Variants in TTC17 observed in about 807,000 individuals in gnomAD.
The protein encoded by TTC17 is tetratricopeptide repeat domain 17.
A neutral mutation model predicts 143.8 loss-of-function variants in TTC17; 58 were observed. The observed-to-expected ratio is 0.40, with a 90% CI of 0.33 to 0.50. TTC17 has a LOEUF of 0.50. TTC17 is among the 20% of genes least tolerant of loss of function. The probability of loss-of-function intolerance (pLI) is 0.49; values close to 1 mark genes in which losing one functional copy is unlikely to be tolerated. For missense variants in TTC17, 1,273 were observed against 1,392.5 expected (o/e 0.91, Z 1.37); for synonymous variants, 501 against 497.8 (o/e 1.01, Z -0.09).
chr11:43,484,477 T>C (rs1031163441), intron 21 of TTC17, among the ~76,000 whole-genome samples: 4 of 152,216 alleles, frequency 2.6e-5, no homozygotes, highest in Non-Finnish European at 5.9e-5. Flanking sequence ...TAAATAGATA[T>C]ATAATGTTCA....
rs945403091 is a variant in TTC17, at chr11:43,494,617, A to G, written c.*713A>G. The G allele has an allele frequency of 3.9e-5, 6 of 152,202 alleles. No homozygotes were observed. Among genetic ancestry groups the G allele is most frequent in the Non-Finnish European group, 7.3e-5 (5 of 68,044 alleles). 9.4% of individuals were successfully genotyped at this position (152,202 alleles called of 1,614,324 possible). On this transcript the variant is annotated 3_prime_UTR_variant, in exon 24 of 24. Coordinates refer to ENST00000039989, the MANE Select transcript of TTC17 (RefSeq NM_018259.6). ...ATTTGTACTTTAATTACAAATCACAAGGAAACCAATAAGTTGAAATCCTAT... is the reference window on the plus strand; with the variant it reads ...ATTTGTACTTTAATTACAAATCACAGGGAAACCAATAAGTTGAAATCCTAT...
chr11:43,381,886 TGAAG>T (rs1376042704), intron 2 of TTC17, among the ~76,000 whole-genome samples: 1 of 152,148 alleles, frequency 6.6e-6, no homozygotes, highest in Admixed American at 6.5e-5. Flanking sequence ...TAAAGAAGAC[TGAAG>T]GAGGTACAGG....
At chr11:43,380,657 A>G (rs1856932101) in intron 2 of TTC17, among the ~76,000 whole-genome samples, 1 of 152,240 alleles carries the variant, frequency 6.6e-6, no homozygotes, top group African/African-American at 2.4e-5. Flanking sequence ...CAACATACAT[A>G]TGTCTACAAA....
intron 1 of TTC17, chr11:43,370,162 AAAG>A (rs1856507908): frequency 2.2e-6 from 1 of 445,730 alleles, no homozygotes; most frequent in African/African-American, 2.0e-5. Context: ...TCTAAACCTC[AAAG>A]AAGATGTAAG....
intron 16 of TTC17, among the ~76,000 whole-genome samples, chr11:43,432,823 G>A (rs985609329): frequency 1.3e-5 from 2 of 152,052 alleles, no homozygotes; most frequent in Non-Finnish European, 2.9e-5. Context: ...AGACCTATAC[G>A]GTAGTCTAAA....
At chr11:43,435,829 A>G (rs1247019656) in intron 16 of TTC17, among the ~76,000 whole-genome samples, 1 of 152,230 alleles carries the variant, frequency 6.6e-6, no homozygotes, top group Non-Finnish European at 1.5e-5. Flanking sequence ...AATAGAAGGA[A>G]AGCTTTTTGA....
intron 20 of TTC17, among the ~76,000 whole-genome samples, chr11:43,450,460 C>G (rs1273497336): frequency 1.3e-5 from 2 of 152,118 alleles, no homozygotes; most frequent in African/African-American, 4.8e-5. Flanking sequence ...AATTTTAATT[C>G]TGATTTACCC....
chr11:43,383,984 A>G (rs1184148327), intron 2 of TTC17, among the ~76,000 whole-genome samples: 1 of 152,048 alleles, frequency 6.6e-6, no homozygotes, highest in Non-Finnish European at 1.5e-5. Context: ...TCTCTACAAA[A>G]TAATTTTGAA....
intron 10 of TTC17, among the ~76,000 whole-genome samples, chr11:43,403,097 C>T (rs1282072552): frequency 1.3e-5 from 2 of 152,136 alleles, no homozygotes; most frequent in Non-Finnish European, 2.9e-5. Context: ...ACCAGATTCA[C>T]ACCCTCTGGG....
At chr11:43,419,119 ATTTCT>A (rs1475780801) in intron 16 of TTC17, among the ~76,000 whole-genome samples, 1 of 152,196 alleles carries the variant, frequency 6.6e-6, no homozygotes, top group Non-Finnish European at 1.5e-5. Flanking sequence ...AGCTCTGGTC[ATTTCT>A]TAATTAATTG....
chr11:43,410,384 A>G (rs1004540782), intron 15 of TTC17, among the ~76,000 whole-genome samples: 2 of 152,100 alleles, frequency 1.3e-5, no homozygotes, highest in Admixed American at 6.6e-5. Context: ...TGTTCTCAAT[A>G]AACTGTTTGT....
chr11:43,450,799 A>G (rs978432945), intron 20 of TTC17, among the ~76,000 whole-genome samples: 3 of 152,206 alleles, frequency 2.0e-5, no homozygotes, highest in African/African-American at 7.2e-5. Context: ...GTAATTCAAT[A>G]TTTTGTGAGA....
At chr11:43,380,378 C>T (rs752107208) in intron 2 of TTC17, among the ~76,000 whole-genome samples, 3 of 152,220 alleles carry the variant, frequency 2.0e-5, no homozygotes, top group Non-Finnish European at 4.4e-5. Context: ...GCCTCAGCCT[C>T]CTGAGTAGCT....
At chr11:43,397,890 A>ATT in intron 7 of TTC17, 84 bp from the exon 8 acceptor site, 1 of 1,500,832 alleles carries the variant, frequency 6.7e-7, no homozygotes. Context: ...CGTGGCTAAC[A>ATT]TTTTTTTTTC....
intron 6 of TTC17, 94 bp from the exon 7 acceptor site, chr11:43,397,253 A>C: frequency 7.4e-7 from 1 of 1,356,556 alleles, no homozygotes. Flanking sequence ...TTCTCCACCT[A>C]TATCTTAGTT....
intron 21 of TTC17, among the ~76,000 whole-genome samples, 171 bp downstream of exon 21, chr11:43,451,436 A>G (rs1947655973): frequency 6.6e-6 from 1 of 152,132 alleles, no homozygotes; most frequent in Non-Finnish European, 1.5e-5. Context: ...TTTTTCTATC[A>G]CTTGGGTAAT....
intron 16 of TTC17, among the ~76,000 whole-genome samples, chr11:43,421,524 C>T (rs1739574164): frequency 6.6e-6 from 1 of 152,206 alleles, no homozygotes; most frequent in Non-Finnish European, 1.5e-5. Flanking sequence ...CAGTCCCCAT[C>T]ACTCGCATTA....
intron 16 of TTC17, among the ~76,000 whole-genome samples, chr11:43,424,891 G>A (rs1483894516): frequency 1.3e-5 from 2 of 152,156 alleles, no homozygotes; most frequent in African/African-American, 2.4e-5. Flanking sequence ...GAGGGGGTCT[G>A]TTTTATATAG....
chr11:43,405,608 C>T lies in TTC17; in HGVS notation c.1574C>T (p.Pro525Leu). 1.2e-6 allele frequency: 2 copies of T among 1,613,894 alleles called. No homozygotes were observed. Among genetic ancestry groups the T allele is most frequent in the Non-Finnish European group, 1.7e-6 (2 of 1,179,882 alleles). Reference protein sequence around the residue: ...VGGELPTYFLPPENKGLRIHE... With the variant: ...VGGELPTYFLLPENKGLRIHE... ...GGGGAATTGCCAACGTATTTTCTGC[C>T]TCCGGAAAACAAAGGACTCAGGCAA... The change falls in exon 12 of 24, where the codon CCT (proline) becomes CTT (leucine). Residue 525 changes from proline (P) to leucine (L), a missense_variant. Pro to Leu is a moderately conservative substitution (Grantham distance 98). Transcript: ENST00000039989.
Sources: allele counts gnomAD v4.1 joint callset (sites outside exome capture counted in the v4.1 genomes callset), GRCh38; gene constraint gnomAD v4.1.1; transcripts MANE v1.5; gene names NCBI Gene and HGNC (gene_info 2026-07-23, HGNC 2026-07-21).